Variants in GALNTL6 observed in about 807,000 individuals in gnomAD.
GALNTL6 encodes polypeptide N-acetylgalactosaminyltransferase like 6.
GALNTL6 carries 46 observed loss-of-function variants against 73.7 expected under a neutral mutation model. The observed-to-expected ratio is 0.62, with a 90% CI of 0.49 to 0.80. The LOEUF is 0.80. Among genes scored for constraint, GALNTL6 ranks in the 30% least tolerant of loss-of-function variants. The pLI is 0.00. For missense variants in GALNTL6, 604 were observed against 755.0 expected, an observed-to-expected ratio of 0.80 and a Z score of 2.34; for synonymous variants, 259 against 263.7, an observed-to-expected ratio of 0.98 and a Z score of 0.17.
In GALNTL6 at chr4:173,040,991, T is replaced by C. The variant is rs1753871541; in HGVS notation, c.*891T>C. The stretch of plus-strand genomic sequence containing the variant: ...TTTTAAAATCTTAAAAGTCTGATAT[T>C]TGTCCAGTCATAATTTTTATTAAGC... On this transcript the variant is annotated 3_prime_UTR_variant, in exon 13 of 13. Transcript: ENST00000506823. 1 of 152,416 alleles carries C rather than the reference T, an allele frequency of 6.6e-6. No homozygotes were observed. The highest frequency in any genetic ancestry group is 1.5e-5 in the Non-Finnish European group (1 of 68,038). 9.4% of individuals were successfully genotyped at this position (152,416 alleles called of 1,614,324 possible).
intron 5 of GALNTL6, among the ~76,000 whole-genome samples, chr4:172,480,614 G>C (rs75619798): frequency 2.0e-5 from 3 of 152,110 alleles, no homozygotes; most frequent in Admixed American, 2.0e-4. Flanking sequence ...AGCAGCTGCC[G>C]TACAATAAAT....
chr4:172,467,036 C>T (rs1252874550), intron 5 of GALNTL6, among the ~76,000 whole-genome samples: 1 of 152,178 alleles, frequency 6.6e-6, no homozygotes, highest in Non-Finnish European at 1.5e-5. Flanking sequence ...AACTGGACTA[C>T]TCTAAGTCAC....
intron 12 of GALNTL6, among the ~76,000 whole-genome samples, chr4:173,037,373 A>G (rs17059115): frequency 0.01 from 1,589 of 152,316 alleles, 8 homozygotes; most frequent in South Asian, 0.034. Flanking sequence ...ACATAGACAG[A>G]TGAAGGGAAT....
chr4:172,376,339 G>A (rs940357323), intron 5 of GALNTL6, among the ~76,000 whole-genome samples: 2 of 152,146 alleles, frequency 1.3e-5, no homozygotes, highest in Admixed American at 6.5e-5. Context: ...AGATGGGCTA[G>A]TCTTGCTTGG....
intron 2 of GALNTL6, among the ~76,000 whole-genome samples, chr4:172,138,477 C>CTA (rs1414149880): frequency 0.021 from 179 of 8,676 alleles, 7 homozygotes; most frequent in African/African-American, 0.032. Flanking sequence ...CTTGGACTGC[C>CTA]TATATATATA....
chr4:172,239,408 T>C, intron 3 of GALNTL6, among the ~76,000 whole-genome samples: 1 of 152,192 alleles, frequency 6.6e-6, no homozygotes, highest in Non-Finnish European at 1.5e-5. Flanking sequence ...TCTCTGAAGA[T>C]TTTTTGTATT....
At chr4:172,429,219 T>TTTTATTTTATTTTATTTTA (rs1216085848) in intron 5 of GALNTL6, among the ~76,000 whole-genome samples, 1 of 150,332 alleles carries the variant, frequency 6.7e-6, no homozygotes, top group South Asian at 2.1e-4. Context: ...TTTTATTTTA[T>TTTTATTTTATTTTATTTTA]TTTATTTTTT....
intron 5 of GALNTL6, among the ~76,000 whole-genome samples, chr4:172,450,339 A>G (rs952449415): frequency 6.6e-6 from 1 of 151,078 alleles, no homozygotes; most frequent in East Asian, 1.9e-4. Flanking sequence ...GTTAAGAGTA[A>G]TCCTTCATCT....
At chr4:172,340,027 T>C (rs1386760533) in intron 4 of GALNTL6, among the ~76,000 whole-genome samples, 1 of 152,236 alleles carries the variant, frequency 6.6e-6, no homozygotes, top group Admixed American at 6.5e-5. Flanking sequence ...TTGATAATCC[T>C]ATGTTGAATA....
intron 5 of GALNTL6, among the ~76,000 whole-genome samples, chr4:172,732,990 G>T (rs1484756872): frequency 6.6e-6 from 1 of 152,124 alleles, no homozygotes; most frequent in Non-Finnish European, 1.5e-5. Context: ...TAGGTGGATG[G>T]CACACCACAA....
At chr4:172,542,571 G>T (rs987354882) in intron 5 of GALNTL6, among the ~76,000 whole-genome samples, 2 of 152,128 alleles carry the variant, frequency 1.3e-5, no homozygotes, top group East Asian at 1.9e-4. Flanking sequence ...CATTCCTGGT[G>T]GGGGAGGGGA....
At chr4:172,675,746 T>C (rs1213833703) in intron 5 of GALNTL6, among the ~76,000 whole-genome samples, 1 of 152,246 alleles carries the variant, frequency 6.6e-6, no homozygotes, top group Non-Finnish European at 1.5e-5. Flanking sequence ...ACTTACTGGC[T>C]TTTCACTATA....
chr4:172,381,505 A>G (rs1028870787), intron 5 of GALNTL6, among the ~76,000 whole-genome samples: 6 of 152,178 alleles, frequency 3.9e-5, no homozygotes, highest in African/African-American at 1.4e-4. Context: ...GAGATTTTAT[A>G]TAAATAGAAT....
chr4:172,584,853 A>G (rs2110982495), intron 5 of GALNTL6, among the ~76,000 whole-genome samples: 1 of 152,334 alleles, frequency 6.6e-6, no homozygotes, highest in African/African-American at 2.4e-5. Context: ...AAAGTGAACA[A>G]CATTGTCCAG....
chr4:172,327,108 ATAAC>A (rs1213175014), intron 4 of GALNTL6, among the ~76,000 whole-genome samples: 35 of 152,138 alleles, frequency 2.3e-4, no homozygotes, highest in Non-Finnish European at 4.7e-4. Flanking sequence ...AGTTACTTTA[ATAAC>A]TAACAACATA....
At chr4:172,679,641 A>T (rs1439418609) in intron 5 of GALNTL6, among the ~76,000 whole-genome samples, 1 of 151,650 alleles carries the variant, frequency 6.6e-6, no homozygotes, top group Non-Finnish European at 1.5e-5. Context: ...TAATCACTCC[A>T]CCTCTATTAC....
intron 5 of GALNTL6, among the ~76,000 whole-genome samples, chr4:172,461,216 G>T (rs1406329509): frequency 6.6e-6 from 1 of 152,034 alleles, no homozygotes; most frequent in Non-Finnish European, 1.5e-5. Flanking sequence ...GGGACCTGTT[G>T]GGGGGTGGGG....
intron 2 of GALNTL6, among the ~76,000 whole-genome samples, chr4:171,852,748 A>G (rs1043349166): frequency 2.0e-5 from 3 of 152,078 alleles, no homozygotes; most frequent in East Asian, 1.9e-4. Context: ...AGAGAAAATT[A>G]TGGGATGTAT....
At chr4:172,711,064 T>A (rs998327078) in intron 5 of GALNTL6, among the ~76,000 whole-genome samples, 1 of 152,148 alleles carries the variant, frequency 6.6e-6, no homozygotes, top group African/African-American at 2.4e-5. Context: ...ATGTGTAATA[T>A]AAAAGAATTT....
Sources: gnomAD v4.1 joint callset for allele counts (sites outside exome capture counted in the v4.1 genomes callset) on GRCh38, gnomAD v4.1.1 for gene constraint, MANE v1.5 for transcripts, NCBI Gene and HGNC (gene_info 2026-07-23, HGNC 2026-07-21) for gene names.